Variants in NHS observed in about 807,000 individuals in gnomAD.
NHS encodes the protein actin remodeling regulator NHS.
Under a neutral mutation model 72.5 loss-of-function variants are expected in NHS, and 5 were observed. The ratio of observed to expected loss-of-function variants is 0.07; its 90% CI spans 0.04 to 0.14. The LOEUF (loss-of-function observed/expected upper bound fraction) is 0.14. Ranked by LOEUF, NHS falls within the 10% of genes least tolerant of loss-of-function variation. The pLI is 1.00. For missense variants in NHS, 1,072 were observed against 1,355.7 expected, an observed-to-expected ratio of 0.79 and a Z score of 3.29; for synonymous variants, 464 against 547.7, an observed-to-expected ratio of 0.85 and a Z score of 2.13.
chrX:17,557,627 G>C (rs2065386614), intron 1 of NHS, among the ~76,000 whole-genome samples: 1 of 111,018 alleles, frequency 9.0e-6, no homozygotes, highest in Admixed American at 9.6e-5. Context: ...AGGAGTTTGG[G>C]CACAGTCTAA....
chrX:17,523,916 G>A (rs950865597), intron 1 of NHS, among the ~76,000 whole-genome samples: 10 of 111,399 alleles, frequency 9.0e-5, no homozygotes, highest in African/African-American at 2.9e-4. Context: ...GGTCACAAAA[G>A]CTTCATCTCA....
At chrX:17,620,643 T>C (rs773518526) in intron 1 of NHS, among the ~76,000 whole-genome samples, 16 of 109,816 alleles carry the variant, frequency 1.5e-4, no homozygotes, top group Non-Finnish European at 3.0e-4. Context: ...AGTTCCTGGA[T>C]CCCGAAGATT....
rs200417677 is a variant in NHS, at chrX:17,393,102, TG to T, written c.565+16783del. On this transcript the variant is annotated intron_variant, in intron 1 of 8. Transcript: ENST00000676302. ...ATGGGCATCTGGATAATTTCCATTG[TG>T]GGCTATTTTGAATAATGCTGCTGTG... Among the ~76,000 whole-genome samples, 676 of 112,229 alleles carry T rather than the reference TG, an allele frequency of 6.0e-3. 9 individuals are homozygous for T. The highest frequency in any genetic ancestry group is 0.021 in the African/African-American group (645 of 30,900).
intron 1 of NHS, among the ~76,000 whole-genome samples, chrX:17,401,445 C>A (rs1448329125): frequency 8.9e-6 from 1 of 112,075 alleles, no homozygotes; most frequent in Non-Finnish European, 1.9e-5. Context: ...AAAGTCAACC[C>A]ACAAAATGGG....
intron 1 of NHS, among the ~76,000 whole-genome samples, chrX:17,396,759 G>A (rs768388685): frequency 9.0e-6 from 1 of 111,473 alleles, no homozygotes; most frequent in South Asian, 3.8e-4. Context: ...ATTATGGCAG[G>A]AAAAATATAT....
chrX:17,655,567 G>A (rs2065949952), intron 1 of NHS, among the ~76,000 whole-genome samples: 1 of 112,523 alleles, frequency 8.9e-6, no homozygotes, highest in Non-Finnish European at 1.9e-5. Flanking sequence ...CCTTTAGCCC[G>A]GTGGAGCTGG....
At chrX:17,416,819 T>TGTGTGTGTGTGTGTGTGAGA (rs1445369548) in intron 1 of NHS, among the ~76,000 whole-genome samples, 3 of 98,192 alleles carry the variant, frequency 3.1e-5, no homozygotes, top group African/African-American at 1.2e-4. Context: ...TGTGTGTGTG[T>TGTGTGTGTGTGTGTGTGAGA]GAGAGAGAGA....
At chrX:17,699,829 C>T (rs183131385) in intron 3 of NHS, among the ~76,000 whole-genome samples, 89 of 111,545 alleles carry the variant, frequency 8.0e-4, no homozygotes, top group Non-Finnish European at 1.5e-3. Flanking sequence ...GACCTCAGTC[C>T]AGGGAAACAC....
chrX:17,453,579 A>G (rs1302850216), intron 1 of NHS, among the ~76,000 whole-genome samples: 1 of 112,065 alleles, frequency 8.9e-6, no homozygotes, highest in Non-Finnish European at 1.9e-5. Flanking sequence ...ACTGTATGAC[A>G]AATTTGCTGT....
intron 3 of NHS, among the ~76,000 whole-genome samples, chrX:17,706,945 A>G (rs919541187): frequency 2.1e-4 from 23 of 111,958 alleles, no homozygotes; most frequent in African/African-American, 7.5e-4. Flanking sequence ...CAATTACAGC[A>G]CTGTTTTCCA....
At chrX:17,525,141 T>G (rs1323720732) in intron 1 of NHS, among the ~76,000 whole-genome samples, 1 of 112,355 alleles carries the variant, frequency 8.9e-6, no homozygotes, top group Non-Finnish European at 1.9e-5. Flanking sequence ...TATTTTTTAC[T>G]AGATAACTTT....
chrX:17,394,637 C>T lies in NHS; in HGVS notation c.565+18315C>T, dbSNP rs182227825. Among the ~76,000 whole-genome samples the T allele has an allele frequency of 8.9e-3, 988 of 111,459 alleles. 14 individuals carry two copies. The highest frequency in any genetic ancestry group is 0.031 in the African/African-American group (936 of 30,653). On this transcript the variant is annotated intron_variant, in intron 1 of 8. Coordinates refer to ENST00000676302, the MANE Select transcript of NHS (RefSeq NM_001291867.2). ...TTTGAGGACCTGGTAACTCTTGTTTCGATCCACTGCTTCTCCCAGGTTGCC... is the reference window on the plus strand; with the variant it reads ...TTTGAGGACCTGGTAACTCTTGTTTTGATCCACTGCTTCTCCCAGGTTGCC...
rs1282328250 is a variant in NHS at position 17,614,806 on chromosome X, A to C, written c.566-72936A>C. ...ACCACACTAGACATTAGGTAGGTTC[A>C]TGGGCCTGTGGTCTGTTATCAATGT... On this transcript the variant is annotated intron_variant, in intron 1 of 8. Transcript: ENST00000676302. 2.7e-5 allele frequency among the ~76,000 whole-genome samples: 3 copies of C among 110,774 alleles called. No individual in the cohort carries two copies. The East Asian group carries it at 8.6e-4, about 32-fold the overall frequency.
rs181890590 is a variant in NHS at position 17,609,537 on chromosome X, A to G, written c.566-78205A>G. Among the ~76,000 whole-genome samples, 251 of 112,093 alleles carry G rather than the reference A, an allele frequency of 2.2e-3. 2 individuals are homozygous for G. Among genetic ancestry groups the G allele is most frequent in the African/African-American group, 7.6e-3 (233 of 30,832 alleles). On this transcript the variant is annotated intron_variant, in intron 1 of 8. Transcript: ENST00000676302. Reference sequence around the variant, plus strand: ...GGAGGATCTTTGTTGGTGTCATATTATGAAGGGCTTCCAATACCATGGCAG... The same window carrying G: ...GGAGGATCTTTGTTGGTGTCATATTGTGAAGGGCTTCCAATACCATGGCAG...
chrX:17,647,568 ATCT>A (rs1472616973), intron 1 of NHS, among the ~76,000 whole-genome samples: 1 of 112,155 alleles, frequency 8.9e-6, no homozygotes, highest in African/African-American at 3.2e-5. Context: ...TGCATACCTT[ATCT>A]TCTTAGGAAG....
At chrX:17,537,122 G>C (rs1044089435) in intron 1 of NHS, among the ~76,000 whole-genome samples, 7 of 112,236 alleles carry the variant, frequency 6.2e-5, no homozygotes, top group Middle Eastern at 4.6e-3. Flanking sequence ...AGGATAAGTG[G>C]GGCATCTTCC....
intron 2 of NHS, among the ~76,000 whole-genome samples, chrX:17,689,725 C>T (rs1235347973): frequency 2.7e-5 from 3 of 112,334 alleles, no homozygotes; most frequent in African/African-American, 6.5e-5. Flanking sequence ...ACTGGTTGAA[C>T]ATTGAGGGCA....
intron 1 of NHS, among the ~76,000 whole-genome samples, chrX:17,479,366 G>A (rs1291731937): frequency 3.6e-5 from 4 of 112,237 alleles, no homozygotes; most frequent in African/African-American, 9.7e-5. Flanking sequence ...ATAAATATAC[G>A]TGTGCATGTG....
At chrX:17,411,129 A>C (rs1354552722) in intron 1 of NHS, among the ~76,000 whole-genome samples, 1 of 112,323 alleles carries the variant, frequency 8.9e-6, no homozygotes, top group Non-Finnish European at 1.9e-5. Flanking sequence ...TTTCAAGTGA[A>C]TGATCATCTC....
Sources: gnomAD v4.1 joint callset for allele counts (sites outside exome capture counted in the v4.1 genomes callset) on GRCh38, gnomAD v4.1.1 for gene constraint, MANE v1.5 for transcripts, NCBI Gene and HGNC (gene_info 2026-07-23, HGNC 2026-07-21) for gene names.